The following MIOS variants were observed in gnomAD, a reference collection of about 807,000 sequenced individuals.
The protein encoded by MIOS is meiosis regulator for oocyte development.
In MIOS, 52 loss-of-function variants were observed where a neutral mutation model predicts 96.9. That is an observed-to-expected ratio of 0.54 (90% CI 0.43 to 0.68). The LOEUF is 0.68. MIOS is among the 30% of genes least tolerant of loss of function. The pLI, the probability that MIOS is intolerant of heterozygous loss-of-function variation, is 0.00. For synonymous variants in MIOS, 397 were observed against 359.5 expected, an observed-to-expected ratio of 1.10 and a Z score of -1.18; for missense variants, 1,005 against 1,052.8, an observed-to-expected ratio of 0.95 and a Z score of 0.63.
chr7:7,603,777 G>C (rs1030388443), intron 11 of MIOS, among the ~76,000 whole-genome samples: 1 of 152,052 alleles, frequency 6.6e-6, no homozygotes, highest in Non-Finnish European at 1.5e-5. Context: ...GTTTATTGCA[G>C]CACTATTCAC....
chr7:7,589,401 C>T lies in MIOS; in HGVS notation c.1885-4C>T. On this transcript the variant is annotated splice_polypyrimidine_tract_variant and splice_region_variant and intron_variant, in intron 8 of 12. Transcript: ENST00000340080. ...CTTTAGAAAAATCACTTTAAATTTT[C>T]CAGTTAAATAGATACATCGAAAAGT... 6.2e-7 allele frequency: 1 copy of T among 1,610,540 alleles called. No homozygotes were observed. The highest frequency in any genetic ancestry group is 1.7e-5 in the Admixed American group (1 of 59,788).
chr7:7,576,269 A>G (rs1289965678), intron 5 of MIOS, among the ~76,000 whole-genome samples: 1 of 152,218 alleles, frequency 6.6e-6, no homozygotes, highest in African/African-American at 2.4e-5. Flanking sequence ...TATCCTAGGA[A>G]CTAGAGACAT....
At chr7:7,603,249 A>C (rs1583660785) in intron 11 of MIOS, among the ~76,000 whole-genome samples, 1 of 151,696 alleles carries the variant, frequency 6.6e-6, no homozygotes, top group Non-Finnish European at 1.5e-5. Flanking sequence ...TCTGCACAGC[A>C]AAAGAAACTA....
intron 11 of MIOS, among the ~76,000 whole-genome samples, 160 bp downstream of exon 11, chr7:7,596,621 T>C (rs892686582): frequency 2.0e-5 from 3 of 152,222 alleles, no homozygotes; most frequent in Non-Finnish European, 4.4e-5. Flanking sequence ...TTATGAACTA[T>C]GAAAACTAAA....
At chr7:7,591,084 A>G (rs186474739) in intron 9 of MIOS, among the ~76,000 whole-genome samples, 2 of 152,280 alleles carry the variant, frequency 1.3e-5, no homozygotes, top group Admixed American at 1.3e-4. Context: ...CATTCCTGGC[A>G]TTCTTTTTCC....
rs1314784166 is a variant in MIOS at position 7,588,662 on chromosome 7, A to T, written c.1884+99A>T. ...ATAATTACATATGTATGAGATTGAT[A>T]AGCTAATTCTTCTAAAAAGTATGGT... On this transcript the variant is annotated intron_variant, in intron 8 of 12. Coordinates refer to ENST00000340080, the MANE Select transcript of MIOS (RefSeq NM_019005.4). The T allele has an allele frequency of 6.5e-6, 4 of 618,332 alleles. No homozygotes were observed. In the African/African-American group the frequency reaches 7.6e-5, roughly 12 times the overall value. The allele number at this position is 618,332 out of a possible 1,614,324, so 38.3% of individuals were successfully genotyped here.
intron 5 of MIOS, among the ~76,000 whole-genome samples, chr7:7,575,578 A>G (rs1783503866): frequency 6.6e-6 from 1 of 152,184 alleles, no homozygotes; most frequent in South Asian, 2.1e-4. Context: ...TATTGCTACA[A>G]AGAATTAAAC....
intron 6 of MIOS, among the ~76,000 whole-genome samples, chr7:7,585,419 T>TCC (rs1218904124): frequency 4.8e-4 from 70 of 145,726 alleles, no homozygotes; most frequent in South Asian, 2.7e-3. Flanking sequence ...CCCCCCCCTT[T>TCC]TTTTTTTTTT....
intron 7 of MIOS, among the ~76,000 whole-genome samples, 154 bp from the exon 8 acceptor site, chr7:7,588,344 C>G (rs17523883): frequency 0.11 from 16,400 of 152,144 alleles, 1,023 homozygotes; most frequent in Non-Finnish European, 0.14. Context: ...AGAAAGGCAT[C>G]TCAGGCAATT....
chr7:7,576,596 G>T (rs917764168), intron 5 of MIOS, among the ~76,000 whole-genome samples: 1 of 152,148 alleles, frequency 6.6e-6, no homozygotes, highest in African/African-American at 2.4e-5. Flanking sequence ...AGGAAAGAAT[G>T]GAGGCTAGAA....
intron 6 of MIOS, 21 bp from the exon 7 acceptor site, chr7:7,585,615 C>T: frequency 1.3e-6 from 2 of 1,556,666 alleles, no homozygotes; most frequent in Non-Finnish European, 1.7e-6. Flanking sequence ...CTTTGATTAG[C>T]TGGCTGTTTT....
Position 7,606,924 on chromosome 7 carries a change from A to AAAAT in MIOS, c.2532-55_2532-52dup, listed in dbSNP as rs146035803. On this transcript the variant is annotated intron_variant, in intron 12 of 12. Transcript: ENST00000340080. The stretch of plus-strand genomic sequence containing the variant: ...AATATAGGGAGACCCTGTCTCTTAA[A>AAAAT]AAATAAATAAATAAATAAATGTATG... 2.7e-4 allele frequency: 331 copies of AAAAT among 1,228,996 alleles called. 3 individuals carry two copies. The highest frequency in any genetic ancestry group is 5.1e-4 in the Middle Eastern group (2 of 3,920). 76.1% of individuals were successfully genotyped at this position (1,228,996 alleles called of 1,614,324 possible). A position where few individuals can be genotyped will look rare whatever the true frequency, so the allele number is the denominator to read the frequency against.
At chr7:7,598,684 G>A (rs1025617518) in intron 11 of MIOS, among the ~76,000 whole-genome samples, 68 of 151,720 alleles carry the variant, frequency 4.5e-4, no homozygotes, top group African/African-American at 1.6e-3. Flanking sequence ...GCCTCAGGAA[G>A]CTATAAGGAT....
chr7:7,601,878 T>A (rs1333386075), intron 11 of MIOS, among the ~76,000 whole-genome samples: 1 of 152,138 alleles, frequency 6.6e-6, no homozygotes, highest in Admixed American at 6.5e-5. Flanking sequence ...TCCACCATGA[T>A]CAAGTGGGCT....
At chr7:7,602,720 A>T (rs1164598525) in intron 11 of MIOS, among the ~76,000 whole-genome samples, 1 of 151,334 alleles carries the variant, frequency 6.6e-6, no homozygotes, top group Non-Finnish European at 1.5e-5. Context: ...ATTGAAAAAA[A>T]CTAAAGTTCA....
At chr7:7,594,494 C>T (rs577778650) in intron 9 of MIOS, among the ~76,000 whole-genome samples, 14 of 152,210 alleles carry the variant, frequency 9.2e-5, no homozygotes, top group African/African-American at 3.4e-4. Context: ...AGGGTTTCAC[C>T]ATGTTGGCCA....
rs1783447870 is a variant in MIOS at position 7,574,075 on chromosome 7, G to A, written c.1295-23G>A. 2.7e-6 allele frequency: 4 copies of A among 1,501,674 alleles called. No individual in the cohort carries two copies. The African/African-American group carries it at 5.6e-5, about 21-fold the overall frequency. 93.0% of individuals were successfully genotyped at this position (1,501,674 alleles called of 1,614,324 possible). On this transcript the variant is annotated intron_variant, in intron 4 of 12. Coordinates refer to ENST00000340080, the MANE Select transcript of MIOS (RefSeq NM_019005.4). ...TGAAATATATTGTCATGCATCACTA[G>A]TATTTCCTATGCATTTAAATACTTA...
intron 3 of MIOS, among the ~76,000 whole-genome samples, chr7:7,568,562 C>CA (rs1425542454): frequency 2.6e-5 from 4 of 152,230 alleles, no homozygotes; most frequent in African/African-American, 9.6e-5. Context: ...GCAACCTGTG[C>CA]AGTAGCACAG....
chr7:7,604,765 A>G (rs1349844316), intron 11 of MIOS, among the ~76,000 whole-genome samples: 1 of 152,210 alleles, frequency 6.6e-6, no homozygotes, highest in Non-Finnish European at 1.5e-5. Flanking sequence ...GTTTCGTCAG[A>G]AAAATATAAG....
Sources: allele counts gnomAD v4.1 joint callset (sites outside exome capture counted in the v4.1 genomes callset), GRCh38; gene constraint gnomAD v4.1.1; transcripts MANE v1.5; gene names NCBI Gene and HGNC (gene_info 2026-07-23, HGNC 2026-07-21).